Variants in FAM120A observed in about 807,000 individuals in gnomAD.
FAM120A encodes constitutive coactivator of PPAR-gamma-like protein 1.
FAM120A carries 15 observed loss-of-function variants against 109.7 expected under a neutral mutation model. The observed-to-expected ratio is 0.14, with a 90% CI of 0.09 to 0.21. The LOEUF is 0.21. Among genes scored for constraint, FAM120A ranks in the 10% least tolerant of loss-of-function variants. The pLI, the probability that FAM120A is intolerant of heterozygous loss-of-function variation, is 1.00. For missense variants in FAM120A, 899 were observed against 1,439.3 expected, an observed-to-expected ratio of 0.62 and a Z score of 6.07; for synonymous variants, 493 against 572.8, an observed-to-expected ratio of 0.86 and a Z score of 1.99.
At chr9:93,454,859 T>G (rs1857482452) in intron 1 of FAM120A, among the ~76,000 whole-genome samples, 1 of 152,198 alleles carries the variant, frequency 6.6e-6, no homozygotes. Context: ...ACATGCCTAT[T>G]AGAATGGCTA....
chr9:93,502,694 C>T (rs1859858804), intron 5 of FAM120A, among the ~76,000 whole-genome samples: 1 of 152,066 alleles, frequency 6.6e-6, no homozygotes. Flanking sequence ...TAAGCATTCA[C>T]TATGTCATAA....
At chr9:93,472,589 A>G (rs912926871) in intron 2 of FAM120A, among the ~76,000 whole-genome samples, 5 of 152,206 alleles carry the variant, frequency 3.3e-5, no homozygotes, top group Non-Finnish European at 2.9e-5. Context: ...TATATATTCT[A>G]TAGAGGCTAG....
At position 93,557,963 on chromosome 9, in the gene FAM120A, A is replaced by G. The variant is rs1457763656; in HGVS notation, c.2621A>G (p.His874Arg). ...TACCCTGCCTCTGCGTACCCCCGGC[A>G]CTTTGGGCCTGTCCCACCCTCTCAG... Reference protein sequence around the residue: ...PFYPASAYPRHFGPVPPSQGR... With the variant: ...PFYPASAYPRRFGPVPPSQGR... The change falls in exon 14 of 18, where the codon CAC (histidine) becomes CGC (arginine). Residue 874 changes from histidine (H) to arginine (R), a missense_variant. This residue lies in a region of FAM120A where 129 missense variants were observed against 153.4 expected (regional missense o/e 0.84). Transcript: ENST00000277165. 1.9e-6 allele frequency: 3 copies of G among 1,604,040 alleles called. No individual in the cohort carries two copies. The highest frequency in any genetic ancestry group is 2.5e-6 in the Non-Finnish European group (3 of 1,179,630).
chr9:93,484,946 C>T (rs139722370), intron 3 of FAM120A, among the ~76,000 whole-genome samples: 6 of 152,292 alleles, frequency 3.9e-5, no homozygotes, highest in South Asian at 4.1e-4. Flanking sequence ...GTCTTCAAAA[C>T]GAGTGTGTAA....
intron 7 of FAM120A, among the ~76,000 whole-genome samples, chr9:93,525,855 C>T (rs1861058829): frequency 1.3e-5 from 2 of 152,200 alleles, no homozygotes; most frequent in African/African-American, 2.4e-5. Flanking sequence ...CCATGAAGAC[C>T]GGGAAACCTG....
intron 16 of FAM120A, 46 bp from the exon 17 acceptor site, chr9:93,562,162 T>G: frequency 7.0e-7 from 1 of 1,421,998 alleles, no homozygotes; most frequent in Non-Finnish European, 9.9e-7. Flanking sequence ...AAATGTTGTC[T>G]GTAACAGATT....
intron 5 of FAM120A, 150 bp downstream of exon 5, chr9:93,499,036 T>C: frequency 6.3e-6 from 4 of 632,344 alleles, no homozygotes; most frequent in South Asian, 5.6e-5. Context: ...CTGGGCAGAC[T>C]CAGTAGCAAT....
Position 93,497,504 on chromosome 9 carries a change from G to A in FAM120A, c.838G>A (p.Asp280Asn), listed in dbSNP as rs1332929821. ...RAHQLVLPPC[D>N]VVIKAVADYV... ...CCACCAGCTGGTCTTGCCACCTTGC[G>A]ACGTAGTGATCAAAGCCGTTGCTGA... The change falls in exon 4 of 18, where the codon GAC becomes AAC. Residue 280 changes from aspartate (D) to asparagine (N), a missense_variant. This residue lies in a region of FAM120A where 258 missense variants were observed against 451.4 expected (regional missense o/e 0.57). Transcript: ENST00000277165. 7 of 1,613,460 alleles carry A rather than the reference G, an allele frequency of 4.3e-6. No homozygotes were observed. The highest frequency in any genetic ancestry group is 1.7e-5 in the Admixed American group (1 of 59,906).
rs1275420365 is a variant in FAM120A at position 93,564,367 on chromosome 9, C to T, written c.3184C>T (p.Pro1062Ser). The T allele has an allele frequency of 3.7e-6, 6 of 1,614,072 alleles. No homozygotes were observed. The highest frequency in any genetic ancestry group is 3.3e-5 in the South Asian group (3 of 91,090). The change falls in exon 18 of 18, where the codon CCC becomes TCC. Residue 1062 changes from proline (P) to serine (S), a missense_variant. Coordinates refer to ENST00000277165, the MANE Select transcript of FAM120A (RefSeq NM_014612.5). ...NGVMAEEKPA[P>S]QMNGSTGDAR... ...AGTGATGGCCGAGGAGAAGCCGGCT[C>T]CCCAGATGAACGGGAGCACGGGTGA...
At chr9:93,511,341 T>C (rs980324083) in intron 5 of FAM120A, among the ~76,000 whole-genome samples, 17 of 152,232 alleles carry the variant, frequency 1.1e-4, no homozygotes, top group Non-Finnish European at 2.2e-4. Context: ...TGGGCCAGCA[T>C]CAGCTGCTCC....
intron 1 of FAM120A, chr9:93,453,728 G>A (rs1475581966): frequency 6.9e-6 from 5 of 721,724 alleles, no homozygotes; most frequent in Non-Finnish European, 8.5e-6. Flanking sequence ...GTTCGGGTGA[G>A]AGGAAGTGCC....
At chr9:93,545,779 CCTTTT>C (rs1861858728) in intron 11 of FAM120A, among the ~76,000 whole-genome samples, 1 of 86,994 alleles carries the variant, frequency 1.1e-5, no homozygotes, top group African/African-American at 4.3e-5. Flanking sequence ...GGGAAAGACT[CCTTTT>C]TTTTTTTTTT....
intron 11 of FAM120A, among the ~76,000 whole-genome samples, chr9:93,546,421 G>T (rs975311980): frequency 1.3e-5 from 2 of 152,176 alleles, no homozygotes; most frequent in Non-Finnish European, 1.5e-5. Context: ...GGGGGCTAGG[G>T]TCACATCGTT....
chr9:93,462,770 T>C (rs551944558), intron 1 of FAM120A, among the ~76,000 whole-genome samples: 2 of 152,320 alleles, frequency 1.3e-5, no homozygotes, highest in Admixed American at 1.3e-4. Context: ...ATGAGCCTCA[T>C]ATAATGAGAT....
chr9:93,558,655 G>C lies in FAM120A; in HGVS notation c.2743G>C (p.Ala915Pro). ...TTACCGTGCCTTCCGTGTGGCGGCAGCATCGGGACACTGCGGAGCCTTCTC... is the reference window on the plus strand; with the variant it reads ...TTACCGTGCCTTCCGTGTGGCGGCACCATCGGGACACTGCGGAGCCTTCTC... ...GPYRAFRVAA[A>P]SGHCGAFSGS... The change falls in exon 15 of 18, where the codon GCA becomes CCA. Residue 915 changes from alanine to proline, a missense_variant. Around this residue, in one of 11 missense-constraint regions of FAM120A, gnomAD observed 129 missense variants for 153.4 expected, o/e 0.84. Transcript: ENST00000277165. 1 of 1,614,178 alleles carries C rather than the reference G, an allele frequency of 6.2e-7. No homozygotes were observed. Among genetic ancestry groups the C allele is most frequent in the East Asian group, 2.2e-5 (1 of 44,892 alleles).
chr9:93,520,068 C>T (rs1005416799), intron 7 of FAM120A, among the ~76,000 whole-genome samples: 40 of 152,130 alleles, frequency 2.6e-4, no homozygotes, highest in African/African-American at 8.4e-4. Context: ...TATGGGGTAC[C>T]GCTGTATTGC....
intron 10 of FAM120A, among the ~76,000 whole-genome samples, chr9:93,536,004 G>C (rs760946788): frequency 3.9e-5 from 6 of 152,006 alleles, no homozygotes; most frequent in Non-Finnish European, 8.8e-5. Flanking sequence ...TCTATTAATT[G>C]GTAACACATA....
At chr9:93,557,607 G>A (rs1308150751) in intron 13 of FAM120A, among the ~76,000 whole-genome samples, 4 of 152,204 alleles carry the variant, frequency 2.6e-5, no homozygotes, top group African/African-American at 7.2e-5. Flanking sequence ...AATCTTTGCC[G>A]TGTTCTGCAC....
At chr9:93,471,791 T>C (rs1858324837) in intron 2 of FAM120A, among the ~76,000 whole-genome samples, 1 of 152,202 alleles carries the variant, frequency 6.6e-6, no homozygotes, top group South Asian at 2.1e-4. Flanking sequence ...TTTCACCTCA[T>C]TTTCGGGATA....
Sources: allele counts gnomAD v4.1 joint callset (sites outside exome capture counted in the v4.1 genomes callset), GRCh38; gene constraint gnomAD v4.1.1; regional missense constraint gnomAD v4.1.1; transcripts MANE v1.5; gene names NCBI Gene and HGNC (gene_info 2026-07-23, HGNC 2026-07-21).